The following AGO4 variants were observed in gnomAD, a reference collection of about 807,000 sequenced individuals.
AGO4 encodes the protein argonaute RISC component 4, also known as protein argonaute-4.
Under a neutral mutation model 104.7 loss-of-function variants are expected in AGO4, and 33 were observed. The observed-to-expected ratio is 0.32, with a 90% CI of 0.24 to 0.42. The LOEUF is 0.42. Ranked by LOEUF, AGO4 falls within the 10% of genes least tolerant of loss-of-function variation. The probability of loss-of-function intolerance (pLI) is 1.00; values close to 1 mark genes in which losing one functional copy is unlikely to be tolerated. For synonymous variants in AGO4, 331 were observed against 364.7 expected, an observed-to-expected ratio of 0.91 and a Z score of 1.05; for missense variants, 711 against 1,083.4, an observed-to-expected ratio of 0.66 and a Z score of 4.83.
intron 15 of AGO4, among the ~76,000 whole-genome samples, chr1:35,849,511 C>T (rs1644650259): frequency 7.2e-6 from 1 of 139,856 alleles, no homozygotes; most frequent in Admixed American, 7.2e-5. Flanking sequence ...AATTAGACCC[C>T]GTGTCTCAAA....
chr1:35,833,947 C>G, intron 11 of AGO4, 43 bp from the exon 12 acceptor site: 1 of 1,383,688 alleles, frequency 7.2e-7, no homozygotes, highest in East Asian at 2.6e-5. Flanking sequence ...TAGAAATGTA[C>G]TCTGAAATGA....
chr1:35,831,593 TG>T lies in AGO4; in HGVS notation c.996+20del. The T allele has an allele frequency of 6.2e-7, 1 of 1,607,374 alleles. No individual in the cohort carries two copies. Among genetic ancestry groups the T allele is most frequent in the Non-Finnish European group, 8.5e-7 (1 of 1,178,006 alleles). ...ACTCGAGGTAAGTTAAATTTTCTTT[TG>T]CCAATTTGCTGATCTCTTGAATGAG... On this transcript the variant is annotated intron_variant, in intron 8 of 17. Coordinates refer to ENST00000373210, the MANE Select transcript of AGO4 (RefSeq NM_017629.4).
At position 35,847,440 on chromosome 1, in the gene AGO4, G is replaced by A. The variant is rs528030573; in HGVS notation, c.2176-2717G>A. ...GTAGAGATGGAGTTTCACCATGTTGGCCAGGCTGGTCTTGAACTCCTGAGC... is the reference window on the plus strand; with the variant it reads ...GTAGAGATGGAGTTTCACCATGTTGACCAGGCTGGTCTTGAACTCCTGAGC... On this transcript the variant is annotated intron_variant, in intron 15 of 17. Coordinates refer to ENST00000373210, the MANE Select transcript of AGO4 (RefSeq NM_017629.4). 2.1e-4 allele frequency among the ~76,000 whole-genome samples: 32 copies of A among 152,112 alleles called. No individual in the cohort carries two copies. In the East Asian group the frequency reaches 5.0e-3, roughly 24 times the overall value.
Position 35,835,259 on chromosome 1 carries a change from G to C in AGO4, c.1565-575G>C, listed in dbSNP as rs1644284172. 2.0e-5 allele frequency among the ~76,000 whole-genome samples: 3 copies of C among 152,084 alleles called. No homozygotes were observed. The South Asian group carries it at 6.2e-4, about 32-fold the overall frequency. On this transcript the variant is annotated intron_variant, in intron 12 of 17. Transcript: ENST00000373210. ...TTTAGTAGAGATGGGGTTTCACCAT[G>C]TTGGCCAGGCTGGTTTTGAACTCCT...
chr1:35,827,395 C>T (rs191305023), intron 7 of AGO4, among the ~76,000 whole-genome samples: 1 of 152,166 alleles, frequency 6.6e-6, no homozygotes, highest in African/African-American at 2.4e-5. Context: ...GTGGCAGGCG[C>T]TTGTAATCCC....
intron 2 of AGO4, among the ~76,000 whole-genome samples, chr1:35,821,306 A>G (rs917943028): frequency 3.3e-5 from 5 of 152,228 alleles, no homozygotes; most frequent in African/African-American, 1.2e-4. Context: ...TTTCAGTCAC[A>G]TGATTTGGTT....
chr1:35,823,496 G>T (rs111911084), intron 3 of AGO4, among the ~76,000 whole-genome samples: 19,093 of 152,158 alleles, frequency 0.13, 2,942 homozygotes, highest in East Asian at 0.7. Context: ...CGCGATCTCG[G>T]CGCAGTGCAA....
intron 13 of AGO4, among the ~76,000 whole-genome samples, chr1:35,836,687 G>A (rs991380221): frequency 6.6e-6 from 1 of 152,208 alleles, no homozygotes; most frequent in African/African-American, 2.4e-5. Flanking sequence ...GGGATTACAG[G>A]CGTGAGCCAC....
intron 16 of AGO4, 53 bp from the exon 17 acceptor site, chr1:35,850,801 A>AC: frequency 1.7e-6 from 2 of 1,163,230 alleles, no homozygotes; most frequent in Non-Finnish European, 2.3e-6. Context: ...AAAAAAAAAC[A>AC]AAAACAAAAA....
intron 1 of AGO4, among the ~76,000 whole-genome samples, chr1:35,809,124 C>A (rs1000070288): frequency 2.0e-5 from 3 of 152,126 alleles, no homozygotes; most frequent in African/African-American, 7.2e-5. Context: ...GCCCTGAGTT[C>A]TCTTCTAATT....
rs565893885 is a variant in AGO4 at position 35,838,295 on chromosome 1, A to G, written c.1724+2302A>G. ...GGTCTTGAGCTCCTGACCTCAAGCA[A>G]TCGGCCCACCTTGGCCTCCCAAAGT... is the stretch of plus-strand genomic sequence containing the variant. On this transcript the variant is annotated intron_variant, in intron 13 of 17. Transcript: ENST00000373210. Among the ~76,000 whole-genome samples the G allele has an allele frequency of 8.0e-4, 122 of 152,174 alleles. 1 individual carries two copies. The highest frequency in any genetic ancestry group is 1.4e-3 in the Non-Finnish European group (94 of 67,982).
rs1374610404 is a variant in AGO4, at chr1:35,825,450, A to T, written c.444A>T (p.Ser148=). Residue 148 remains serine (S), a synonymous_variant, in exon 4 of 18, where the codon TCA becomes TCT. Coordinates refer to ENST00000373210, the MANE Select transcript of AGO4 (RefSeq NM_017629.4). Reference sequence around the variant, plus strand: ...ACTTGAATGAAGTCCCAGATGACTCAGTACAAGCACTTGATGTTATCACAA... The same window carrying T: ...ACTTGAATGAAGTCCCAGATGACTCTGTACAAGCACTTGATGTTATCACAA... ...AGHLNEVPDD[S]VQALDVITRH... 6.2e-7 allele frequency: 1 copy of T among 1,614,104 alleles called. No individual in the cohort carries two copies. Among genetic ancestry groups the T allele is most frequent in the Non-Finnish European group, 8.5e-7 (1 of 1,180,042 alleles).
Position 35,850,189 on chromosome 1 carries a change from T to C in AGO4, c.2208T>C (p.Thr736=), listed in dbSNP as rs1644666616. 7 of 1,609,330 alleles carry C rather than the reference T, an allele frequency of 4.3e-6. No individual in the cohort carries two copies. Among genetic ancestry groups the C allele is most frequent in the Non-Finnish European group, 5.9e-6 (7 of 1,178,316 alleles). ...VGKSGNVPAG[T]TVDSTITHPS... The stretch of plus-strand genomic sequence containing the variant: ...AAAGTGGCAATGTACCAGCAGGCAC[T>C]ACAGTGGATAGTACCATCACACATC... Residue 736 remains threonine, a synonymous_variant, in exon 16 of 18, where the codon ACT becomes ACC. Coordinates refer to ENST00000373210, the MANE Select transcript of AGO4 (RefSeq NM_017629.4).
chr1:35,844,887 G>T (rs536286415), intron 15 of AGO4, among the ~76,000 whole-genome samples: 1 of 152,210 alleles, frequency 6.6e-6, no homozygotes, highest in South Asian at 2.1e-4. Flanking sequence ...ACAATCACTT[G>T]ACTTTCTATC....
At chr1:35,823,240 C>A (rs566548366) in intron 3 of AGO4, among the ~76,000 whole-genome samples, 51 of 151,344 alleles carry the variant, frequency 3.4e-4, no homozygotes, top group African/African-American at 1.2e-3. Context: ...AATAACACAT[C>A]AATTCTTAGA....
chr1:35,826,965 G>A, intron 7 of AGO4, 130 bp downstream of exon 7: 1 of 881,434 alleles, frequency 1.1e-6, no homozygotes, highest in East Asian at 2.7e-5. Context: ...ACTTTGAGAG[G>A]CCGAGGTAGG....
At chr1:35,843,491 A>G (rs1644498020) in intron 15 of AGO4, among the ~76,000 whole-genome samples, 1 of 152,196 alleles carries the variant, frequency 6.6e-6, no homozygotes, top group East Asian at 1.9e-4. Flanking sequence ...GGCTGTCTTT[A>G]AATTGCTGAA....
intron 17 of AGO4, among the ~76,000 whole-genome samples, chr1:35,852,564 G>A (rs4652896): frequency 0.98 from 149,607 of 152,316 alleles, 73,529 homozygotes; most frequent in East Asian, 1. Flanking sequence ...TGCTAGGTAC[G>A]TAGATGCATT....
chr1:35,829,853 A>T (rs934560791), intron 7 of AGO4, among the ~76,000 whole-genome samples: 5 of 149,862 alleles, frequency 3.3e-5, no homozygotes, highest in African/African-American at 1.2e-4. Context: ...AAAAAAAAAA[A>T]AAAAAAAAAA....
Sources: allele counts gnomAD v4.1 joint callset (sites outside exome capture counted in the v4.1 genomes callset), GRCh38; gene constraint gnomAD v4.1.1; transcripts MANE v1.5; gene names NCBI Gene and HGNC (gene_info 2026-07-23, HGNC 2026-07-21).